The following FGF12 variants were observed in gnomAD, a reference collection of about 807,000 sequenced individuals.
FGF12 encodes fibroblast growth factor 12, also known as fibroblast growth factor 12B.
In FGF12, 14 loss-of-function variants were observed where a neutral mutation model predicts 23.6. The ratio of observed to expected loss-of-function variants is 0.59; its 90% CI spans 0.39 to 0.93. The LOEUF (loss-of-function observed/expected upper bound fraction) is 0.93, where lower values mean the gene tolerates loss of function less well. Among genes scored for constraint, FGF12 ranks in the 40% least tolerant of loss-of-function variants. The pLI, the probability that FGF12 is intolerant of heterozygous loss-of-function variation, is 0.00. For missense variants in FGF12, 175 were observed against 217.8 expected, an observed-to-expected ratio of 0.80 and a Z score of 1.24; for synonymous variants, 62 against 77.3, an observed-to-expected ratio of 0.80 and a Z score of 1.04.
intron 2 of FGF12, among the ~76,000 whole-genome samples, chr3:192,564,355 C>A (rs567907856): frequency 6.6e-6 from 1 of 152,238 alleles, no homozygotes; most frequent in East Asian, 1.9e-4. Flanking sequence ...TGAGCCACTG[C>A]GCCCTGCCGA....
intron 2 of FGF12, among the ~76,000 whole-genome samples, chr3:192,711,971 ATAAT>A (rs1718703209): frequency 6.6e-6 from 1 of 151,544 alleles, no homozygotes; most frequent in African/African-American, 2.4e-5. Context: ...AATGTAAATC[ATAAT>A]TATTCTCAGC....
intron 4 of FGF12, among the ~76,000 whole-genome samples, chr3:192,254,495 C>T (rs558461339): frequency 1.0e-3 from 159 of 152,048 alleles, no homozygotes; most frequent in African/African-American, 3.6e-3. Context: ...CAGCCATTCT[C>T]TGCAATATTG....
intron 2 of FGF12, among the ~76,000 whole-genome samples, chr3:192,602,716 A>C: frequency 7.3e-6 from 1 of 136,488 alleles, no homozygotes. Context: ...TTAGTGCACA[A>C]AGGCCCAAAA....
chr3:192,226,321 G>C lies in FGF12; in HGVS notation c.229-55665C>G, dbSNP rs143165941. Among the ~76,000 whole-genome samples the C allele has an allele frequency of 6.1e-3, 923 of 152,218 alleles. 8 individuals carry two copies. The highest frequency in any genetic ancestry group is 0.021 in the African/African-American group (871 of 41,540). On this transcript the variant is annotated intron_variant, in intron 4 of 5. Transcript: ENST00000445105. ...TCGGTACTCTATGCCTGAATGCCCA[G>C]TAAAAAAGCAAACTATTTTTTTCAA...
At chr3:192,416,336 A>G (rs761597661) in intron 2 of FGF12, among the ~76,000 whole-genome samples, 16 of 152,134 alleles carry the variant, frequency 1.1e-4, no homozygotes, top group Non-Finnish European at 2.4e-4. Flanking sequence ...TGTTAAGTAC[A>G]AAGAGTATGC....
In FGF12 at chr3:192,553,284, T is replaced by C. The variant is rs139475919; in HGVS notation, c.13+173897A>G. ...GTCAAAGTAAAAAAAAGAAATTATATTGTAGGGTTTATAACATATGTAGAA... is the reference window on the plus strand; with the variant it reads ...GTCAAAGTAAAAAAAAGAAATTATACTGTAGGGTTTATAACATATGTAGAA... On this transcript the variant is annotated intron_variant, in intron 2 of 5. Coordinates refer to ENST00000445105, the MANE Select transcript of FGF12 (RefSeq NM_004113.6). 3.0e-3 allele frequency among the ~76,000 whole-genome samples: 455 copies of C among 152,192 alleles called. 1 individual carries two copies. The highest frequency in any genetic ancestry group is 0.01 in the African/African-American group (427 of 41,548).
rs74830772 is a variant in FGF12, at chr3:192,156,255, A to G, written c.428-12128T>C. Among the ~76,000 whole-genome samples the G allele has an allele frequency of 4.3e-3, 658 of 152,232 alleles. 4 individuals are homozygous for G. Among genetic ancestry groups the G allele is most frequent in the African/African-American group, 0.015 (641 of 41,536 alleles). On this transcript the variant is annotated intron_variant, in intron 5 of 5. Transcript: ENST00000445105. The stretch of plus-strand genomic sequence containing the variant: ...TCTTTCTTGTCTTCCCAGTTCCCCA[A>G]TCCTGTTCCACAAAAACTCAGATTC...
In FGF12 at chr3:192,603,042, A is replaced by C. The variant is rs1229780119; in HGVS notation, c.13+124139T>G. Among the ~76,000 whole-genome samples, 6 of 152,264 alleles carry C rather than the reference A, an allele frequency of 3.9e-5. No homozygotes were observed. In the East Asian group the frequency reaches 9.7e-4, roughly 25 times the overall value. ...GCATCAAAGGAACATATCTCAAAAT[A>C]ATAAGACCTTCTATGACAAATCTAT... is the stretch of plus-strand genomic sequence containing the variant. On this transcript the variant is annotated intron_variant, in intron 2 of 5. Transcript: ENST00000445105.
intron 2 of FGF12, among the ~76,000 whole-genome samples, chr3:192,589,659 A>C (rs974377684): frequency 7.3e-5 from 11 of 151,718 alleles, no homozygotes; most frequent in African/African-American, 2.4e-4. Context: ...TGGAGGGAGG[A>C]AATGGACAGT....
intron 4 of FGF12, among the ~76,000 whole-genome samples, chr3:192,274,973 T>C (rs1387506059): frequency 6.6e-6 from 1 of 152,170 alleles, no homozygotes; most frequent in Non-Finnish European, 1.5e-5. Flanking sequence ...AAATACATCC[T>C]AACAAAGTGA....
intron 2 of FGF12, among the ~76,000 whole-genome samples, chr3:192,430,617 AC>A: frequency 6.6e-6 from 1 of 152,346 alleles, no homozygotes; most frequent in Admixed American, 6.5e-5. Context: ...CTAAATAGTT[AC>A]CACACAATGT....
At chr3:192,619,806 C>A (rs1714903865) in intron 2 of FGF12, among the ~76,000 whole-genome samples, 1 of 152,102 alleles carries the variant, frequency 6.6e-6, no homozygotes, top group South Asian at 2.1e-4. Flanking sequence ...CCTATGTTTT[C>A]TTTTGTCATA....
At chr3:192,243,701 G>A (rs1577272405) in intron 4 of FGF12, among the ~76,000 whole-genome samples, 1 of 151,954 alleles carries the variant, frequency 6.6e-6, no homozygotes, top group Non-Finnish European at 1.5e-5. Flanking sequence ...ATAAAAAAAA[G>A]ATTAATAAAA....
chr3:192,412,827 G>T (rs948527353), intron 2 of FGF12, among the ~76,000 whole-genome samples: 1 of 152,104 alleles, frequency 6.6e-6, no homozygotes. Flanking sequence ...TTGGGATCAG[G>T]AATGAAATTA....
intron 2 of FGF12, among the ~76,000 whole-genome samples, chr3:192,645,706 A>G (rs1448514945): frequency 6.6e-6 from 1 of 150,666 alleles, no homozygotes; most frequent in African/African-American, 2.4e-5. Context: ...TATTTACTGA[A>G]TGCCTATTCT....
At chr3:192,287,038 A>G (rs750097421) in intron 4 of FGF12, among the ~76,000 whole-genome samples, 3 of 152,106 alleles carry the variant, frequency 2.0e-5, no homozygotes, top group Non-Finnish European at 4.4e-5. Flanking sequence ...AATTGTCTGA[A>G]TGACTCAGAA....
chr3:192,505,294 C>T (rs1245141880), intron 2 of FGF12, among the ~76,000 whole-genome samples: 5 of 152,136 alleles, frequency 3.3e-5, no homozygotes, highest in African/African-American at 9.7e-5. Context: ...AAAGCTAAAA[C>T]GGGAAAGCCT....
At chr3:192,349,986 A>C (rs1004785916) in intron 3 of FGF12, among the ~76,000 whole-genome samples, 1 of 152,160 alleles carries the variant, frequency 6.6e-6, no homozygotes, top group Non-Finnish European at 1.5e-5. Context: ...TGCCCCCATG[A>C]AGCTTATATT....
intron 2 of FGF12, among the ~76,000 whole-genome samples, chr3:192,689,066 A>G (rs1261823154): frequency 1.3e-5 from 2 of 152,184 alleles, no homozygotes; most frequent in Non-Finnish European, 2.9e-5. Flanking sequence ...AATGATAGAT[A>G]TCAGAAGATG....
Sources: allele counts gnomAD v4.1 joint callset (sites outside exome capture counted in the v4.1 genomes callset), GRCh38; gene constraint gnomAD v4.1.1; transcripts MANE v1.5; gene names NCBI Gene and HGNC (gene_info 2026-07-23, HGNC 2026-07-21).